PDE5A: variants seen among roughly 807,000 people sequenced by gnomAD.
The protein encoded by PDE5A is phosphodiesterase 5A.
In PDE5A, 67 loss-of-function variants were observed where a neutral mutation model predicts 110.2. The ratio of observed to expected loss-of-function variants is 0.61; its 90% CI spans 0.50 to 0.75. The LOEUF (loss-of-function observed/expected upper bound fraction) is 0.75, where lower values mean the gene tolerates loss of function less well. Ranked by LOEUF, PDE5A falls within the 30% of genes least tolerant of loss-of-function variation. The pLI is 0.00. For synonymous variants in PDE5A, 328 were observed against 351.2 expected, an observed-to-expected ratio of 0.93 and a Z score of 0.74; for missense variants, 862 against 1,045.1, an observed-to-expected ratio of 0.82 and a Z score of 2.42.
At position 119,628,729 on chromosome 4, in the gene PDE5A, T is replaced by C; in HGVS notation, c.-58A>G. ...TACTGCTTTTCCACCCCAGCTGGGGTCCGTCCCTCAGAAGAACAGGACTCG... is the reference window on the plus strand; with the variant it reads ...TACTGCTTTTCCACCCCAGCTGGGGCCCGTCCCTCAGAAGAACAGGACTCG... On this transcript the variant is annotated 5_prime_UTR_variant, in exon 1 of 21. Coordinates refer to ENST00000354960, the MANE Select transcript of PDE5A (RefSeq NM_001083.4). 1.9e-6 allele frequency: 3 copies of C among 1,594,252 alleles called. No individual in the cohort carries two copies. The highest frequency in any genetic ancestry group is 1.3e-5 in the African/African-American group (1 of 74,828).
At chr4:119,553,834 A>G (rs572397165) in intron 7 of PDE5A, 88 bp from the exon 8 acceptor site, 5 of 700,182 alleles carry the variant, frequency 7.1e-6, no homozygotes, top group Admixed American at 2.5e-5. Context: ...GGAGAAAAAT[A>G]CCAGCCTTAA....
chr4:119,609,511 T>C (rs1729668888), intron 1 of PDE5A, among the ~76,000 whole-genome samples: 1 of 152,248 alleles, frequency 6.6e-6, no homozygotes, highest in Admixed American at 6.5e-5. Flanking sequence ...ATTTATGGGA[T>C]GTTCCCCTAA....
intron 9 of PDE5A, among the ~76,000 whole-genome samples, chr4:119,544,878 T>C (rs903277298): frequency 6.6e-6 from 1 of 152,160 alleles, no homozygotes; most frequent in Non-Finnish European, 1.5e-5. Context: ...CGCAAGTCCT[T>C]TAAATGGAAT....
At chr4:119,607,346 G>A in intron 1 of PDE5A, 49 bp from the exon 2 acceptor site, 1 of 1,208,544 alleles carries the variant, frequency 8.3e-7, no homozygotes, top group Non-Finnish European at 1.2e-6. Flanking sequence ...GAGGAAGGGT[G>A]CTATGCCTGA....
intron 11 of PDE5A, among the ~76,000 whole-genome samples, chr4:119,536,209 T>C (rs1726717453): frequency 6.6e-6 from 1 of 152,130 alleles, no homozygotes; most frequent in South Asian, 2.1e-4. Flanking sequence ...ATTGAGAAAA[T>C]AATTTTCAGA....
intron 3 of PDE5A, among the ~76,000 whole-genome samples, chr4:119,568,196 T>G (rs1286643885): frequency 1.3e-5 from 2 of 152,096 alleles, no homozygotes; most frequent in Non-Finnish European, 2.9e-5. Flanking sequence ...AAAGCAGAAT[T>G]ATGCAATTAT....
Position 119,542,508 on chromosome 4 carries a change from A to C in PDE5A, c.1523T>G (p.Met508Arg), listed in dbSNP as rs765677295. 2 of 1,613,980 alleles carry C rather than the reference A, an allele frequency of 1.2e-6. No homozygotes were observed. Among genetic ancestry groups the C allele is most frequent in the South Asian group, 2.2e-5 (2 of 91,078 alleles). Reference protein sequence around the residue: ...FCGLGIQNTQMYEAVERAMAK... With the variant: ...FCGLGIQNTQRYEAVERAMAK... ...CATGGCTCTCTCCACTGCTTCATACATCTGCGTGTTCTGGATCCCCAAGCC... is the reference window on the plus strand; with the variant it reads ...CATGGCTCTCTCCACTGCTTCATACCTCTGCGTGTTCTGGATCCCCAAGCC... Residue 508 changes from methionine (M) to arginine (R), a missense_variant, in exon 10 of 21, where the codon ATG becomes AGG. Physicochemically the swap from Met to Arg is moderately conservative, Grantham distance 91. Coordinates refer to ENST00000354960, the MANE Select transcript of PDE5A (RefSeq NM_001083.4).
At chr4:119,528,111 T>A (rs1726393964) in intron 11 of PDE5A, among the ~76,000 whole-genome samples, 1 of 152,042 alleles carries the variant, frequency 6.6e-6, no homozygotes, top group African/African-American at 2.4e-5. Flanking sequence ...GACAAACAAT[T>A]TGATGGTATA....
intron 3 of PDE5A, among the ~76,000 whole-genome samples, chr4:119,575,580 C>G (rs1409980783): frequency 6.6e-6 from 1 of 152,066 alleles, no homozygotes; most frequent in East Asian, 1.9e-4. Context: ...CATATCCAGC[C>G]AAACTAAGCT....
intron 18 of PDE5A, 76 bp downstream of exon 18, chr4:119,504,460 A>G (rs1578723772): frequency 2.8e-6 from 3 of 1,075,424 alleles, no homozygotes; most frequent in East Asian, 2.4e-5. Context: ...CTTTAGGTAG[A>G]TACCTAGTAG....
chr4:119,558,109 G>A (rs1727609141), intron 7 of PDE5A, among the ~76,000 whole-genome samples: 1 of 151,954 alleles, frequency 6.6e-6, no homozygotes, highest in Non-Finnish European at 1.5e-5. Flanking sequence ...CCTTCTAATT[G>A]GGTGGCTCTT....
Position 119,549,774 on chromosome 4 carries a change from T to C in PDE5A, c.1396+2776A>G, listed in dbSNP as rs987939236. On this transcript the variant is annotated intron_variant, in intron 9 of 20. Coordinates refer to ENST00000354960, the MANE Select transcript of PDE5A (RefSeq NM_001083.4). The stretch of plus-strand genomic sequence containing the variant: ...TTCCTTAAAAGTACTGGAAGCAAAG[T>C]AGTGGAAACACTGTGTATTAGCCAG... The C allele has an allele frequency of 2.2e-4, 33 of 152,196 alleles. 1 individual carries two copies. The allele number at this position is 152,196 out of a possible 1,614,324, so 9.4% of individuals were successfully genotyped here. A position where few individuals can be genotyped will look rare whatever the true frequency, so the allele number is the denominator to read the frequency against.
At chr4:119,597,734 T>TA (rs1371396322) in intron 2 of PDE5A, among the ~76,000 whole-genome samples, 2 of 151,842 alleles carry the variant, frequency 1.3e-5, no homozygotes, top group Non-Finnish European at 2.9e-5. Flanking sequence ...TTTAAAAAAA[T>TA]AAAAAATAAA....
At chr4:119,599,712 T>TAC (rs3056797) in intron 2 of PDE5A, among the ~76,000 whole-genome samples, 20,871 of 147,110 alleles carry the variant, frequency 0.14, 1,501 homozygotes, top group African/African-American at 0.2. Context: ...CAAGTGTGTA[T>TAC]ACACACACAC....
At chr4:119,623,290 A>G (rs1327325472) in intron 1 of PDE5A, among the ~76,000 whole-genome samples, 3 of 152,234 alleles carry the variant, frequency 2.0e-5, no homozygotes, top group Non-Finnish European at 2.9e-5. Context: ...CTGCAAAGTC[A>G]GTAACTAGTC....
Position 119,607,389 on chromosome 4 carries a change from T to C in PDE5A, c.153-92A>G, listed in dbSNP as rs1329828288. ...TAAACATCTTCTCATGGTAAACTGA[T>C]GAGATAATAATTTGATATGTTATAG... On this transcript the variant is annotated intron_variant, in intron 1 of 20. Transcript: ENST00000354960. The C allele has an allele frequency of 4.2e-6, 3 of 717,410 alleles. No homozygotes were observed. The Admixed American group carries it at 8.4e-5, about 20-fold the overall frequency. 44.4% of individuals were successfully genotyped at this position (717,410 alleles called of 1,614,324 possible).
chr4:119,552,175 A>T (rs2110495943), intron 9 of PDE5A: 1 of 153,116 alleles, frequency 6.5e-6, no homozygotes, highest in Non-Finnish European at 1.5e-5. Flanking sequence ...AATAAATATT[A>T]AATGAATAAA....
At chr4:119,509,803 G>A (rs1033153316) in intron 15 of PDE5A, among the ~76,000 whole-genome samples, 3 of 152,006 alleles carry the variant, frequency 2.0e-5, no homozygotes, top group Non-Finnish European at 2.9e-5. Flanking sequence ...GAGGTGTTGA[G>A]GGAGGCGTGA....
intron 19 of PDE5A, among the ~76,000 whole-genome samples, chr4:119,501,687 A>G (rs1009977461): frequency 6.6e-6 from 1 of 152,310 alleles, no homozygotes; most frequent in Middle Eastern, 3.4e-3. Flanking sequence ...AAAGAAAAAA[A>G]GAGGAAAACT....
Sources: allele counts gnomAD v4.1 joint callset (sites outside exome capture counted in the v4.1 genomes callset), GRCh38; gene constraint gnomAD v4.1.1; transcripts MANE v1.5; gene names NCBI Gene and HGNC (gene_info 2026-07-23, HGNC 2026-07-21).